GRM1: variants seen among roughly 807,000 people sequenced by gnomAD.
GRM1 encodes metabotropic glutamate receptor 1.
Under a neutral mutation model 90.9 loss-of-function variants are expected in GRM1, and 33 were observed. The ratio of observed to expected loss-of-function variants is 0.36; its 90% CI spans 0.28 to 0.49. The LOEUF is 0.49. Among genes scored for constraint, GRM1 ranks in the 20% least tolerant of loss-of-function variants. The pLI, the probability that GRM1 is intolerant of heterozygous loss-of-function variation, is 0.99. For missense variants in GRM1, 1,190 were observed against 1,534.3 expected (o/e 0.78, Z 3.75); for synonymous variants, 700 against 613.2 (o/e 1.14, Z -2.09).
chr6:146,144,001 T>C (rs1776995436), intron 1 of GRM1, among the ~76,000 whole-genome samples: 1 of 152,236 alleles, frequency 6.6e-6, no homozygotes, highest in Non-Finnish European at 1.5e-5. Flanking sequence ...CATATTGTAT[T>C]AGCCTACTTG....
rs1784519761 is a variant in GRM1, at chr6:146,329,710, C to T, written c.1187-22540C>T. On this transcript the variant is annotated intron_variant, in intron 3 of 7. Transcript: ENST00000282753. ...CTATAAATCAAAAATGTGTTGAATA[C>T]ACCTAACCTGCCAAACATCATAGCT... Among the ~76,000 whole-genome samples the T allele has an allele frequency of 2.6e-5, 4 of 152,138 alleles. No individual in the cohort carries two copies. The South Asian group carries it at 8.3e-4, about 32-fold the overall frequency.
intron 1 of GRM1, among the ~76,000 whole-genome samples, chr6:146,060,786 G>C (rs1775639731): frequency 6.6e-6 from 1 of 152,100 alleles, no homozygotes; most frequent in Non-Finnish European, 1.5e-5. Context: ...CAGCTGGGTT[G>C]AATGGTAGCT....
At position 146,172,604 on chromosome 6, in the gene GRM1, G is replaced by A. The variant is rs144184426; in HGVS notation, c.950+13007G>A. On this transcript the variant is annotated intron_variant, in intron 2 of 7. Transcript: ENST00000282753. The stretch of plus-strand genomic sequence containing the variant: ...GAGCCTTAAGAGATTGGTAGATTGA[G>A]GGAAGAACTTGATAAAAAGTAAGAA... 2.8e-3 allele frequency among the ~76,000 whole-genome samples: 424 copies of A among 152,170 alleles called. 3 individuals carry two copies. The highest frequency in any genetic ancestry group is 9.4e-3 in the African/African-American group (391 of 41,510).
chr6:146,305,864 C>T (rs944183986), intron 3 of GRM1, among the ~76,000 whole-genome samples: 2 of 152,172 alleles, frequency 1.3e-5, no homozygotes, highest in Non-Finnish European at 2.9e-5. Flanking sequence ...AGAGGCTTGC[C>T]ATCTCTTTGG....
chr6:146,240,282 C>A (rs2086987479), intron 2 of GRM1, among the ~76,000 whole-genome samples: 2 of 151,938 alleles, frequency 1.3e-5, no homozygotes, highest in South Asian at 2.1e-4. Flanking sequence ...AGGATCCCTG[C>A]AGAATACTCA....
chr6:146,262,904 AC>A (rs1781753674), intron 2 of GRM1, among the ~76,000 whole-genome samples: 1 of 151,958 alleles, frequency 6.6e-6, no homozygotes, highest in Admixed American at 6.6e-5. Context: ...TAAATAAACG[AC>A]CTAATGCAAT....
intron 6 of GRM1, among the ~76,000 whole-genome samples, chr6:146,387,880 T>C (rs556580392): frequency 1.3e-5 from 2 of 152,252 alleles, no homozygotes; most frequent in East Asian, 3.9e-4. Flanking sequence ...ATTTCTGGTA[T>C]GCTTCTTGTA....
At chr6:146,358,899 C>T (rs1775343291) in intron 5 of GRM1, among the ~76,000 whole-genome samples, 1 of 152,132 alleles carries the variant, frequency 6.6e-6, no homozygotes, top group Non-Finnish European at 1.5e-5. Context: ...GCCTTCTCTG[C>T]AGAAGTTATA....
chr6:146,264,631 C>G (rs1038689890), intron 2 of GRM1, among the ~76,000 whole-genome samples: 1 of 151,888 alleles, frequency 6.6e-6, no homozygotes, highest in Non-Finnish European at 1.5e-5. Flanking sequence ...CAGTACCCAT[C>G]ATCCAAATAG....
At chr6:146,404,035 T>C (rs577119010) in intron 7 of GRM1, among the ~76,000 whole-genome samples, 1 of 152,236 alleles carries the variant, frequency 6.6e-6, no homozygotes, top group East Asian at 1.9e-4. Context: ...GTAGAACTTA[T>C]TTGAAAGAAC....
At chr6:146,236,370 T>G (rs959004543) in intron 2 of GRM1, among the ~76,000 whole-genome samples, 1 of 152,252 alleles carries the variant, frequency 6.6e-6, no homozygotes, top group East Asian at 1.9e-4. Flanking sequence ...TTCTCAATGG[T>G]TTTTCCACCA....
chr6:146,399,001 C>A lies in GRM1; in HGVS notation c.1962C>A (p.Thr654=), dbSNP rs1205697709. ...TCACTCTCATTGCCAAACCTACTACCACCTCCTGCTACCTCCAGCGCCTCT... is the reference window on the plus strand; with the variant it reads ...TCACTCTCATTGCCAAACCTACTACAACCTCCTGCTACCTCCAGCGCCTCT... ...CPFTLIAKPT[T]TSCYLQRLLV... Residue 654 remains threonine (T), a synonymous_variant, in exon 7 of 8, where the codon ACC becomes ACA. Transcript: ENST00000282753. This position sits in a 1 kb window ranked among gnomAD's most constrained non-coding sequence, Gnocchi z 5.4. The A allele has an allele frequency of 7.4e-6, 12 of 1,613,928 alleles. No individual in the cohort carries two copies. The highest frequency in any genetic ancestry group is 5.0e-5 in the Admixed American group (3 of 59,986).
At chr6:146,321,934 T>C (rs573381381) in intron 3 of GRM1, among the ~76,000 whole-genome samples, 9 of 152,308 alleles carry the variant, frequency 5.9e-5, no homozygotes, top group African/African-American at 2.2e-4. Context: ...CCAGTCTGTG[T>C]CTTTTAATTG....
At chr6:146,185,255 C>A (rs572835718) in intron 2 of GRM1, among the ~76,000 whole-genome samples, 2 of 152,164 alleles carry the variant, frequency 1.3e-5, no homozygotes, top group African/African-American at 4.8e-5. Flanking sequence ...ATACGCTGAC[C>A]AAAGTAGAAT....
intron 2 of GRM1, chr6:146,159,802 A>G: frequency 3.6e-6 from 2 of 561,748 alleles, no homozygotes; most frequent in Non-Finnish European, 6.4e-6. Flanking sequence ...GCTAAACAAC[A>G]GCAGAACAAG....
intron 1 of GRM1, among the ~76,000 whole-genome samples, chr6:146,051,382 A>T: frequency 6.6e-6 from 1 of 152,074 alleles, no homozygotes; most frequent in Non-Finnish European, 1.5e-5. Context: ...TAAATATGAT[A>T]CAGTGCTCAT....
At chr6:146,323,668 T>C (rs1036589131) in intron 3 of GRM1, among the ~76,000 whole-genome samples, 1 of 152,226 alleles carries the variant, frequency 6.6e-6, no homozygotes, top group African/African-American at 2.4e-5. Flanking sequence ...TCCTTGCCCA[T>C]GCCCATGTCC....
intron 3 of GRM1, among the ~76,000 whole-genome samples, chr6:146,342,563 G>A (rs1454146759): frequency 6.6e-6 from 1 of 152,132 alleles, no homozygotes; most frequent in African/African-American, 2.4e-5. Flanking sequence ...ATCCAGCTGT[G>A]TGATCTTGGA....
At chr6:146,427,922 T>C (rs1319760069) in intron 7 of GRM1, among the ~76,000 whole-genome samples, 1 of 152,228 alleles carries the variant, frequency 6.6e-6, no homozygotes, top group Non-Finnish European at 1.5e-5. Flanking sequence ...TGGGTAGATG[T>C]GCTTGTCTTG....
Sources: allele counts gnomAD v4.1 joint callset (sites outside exome capture counted in the v4.1 genomes callset), GRCh38; gene constraint gnomAD v4.1.1; non-coding constraint Gnocchi (gnomAD v3.1); transcripts MANE v1.5; gene names NCBI Gene and HGNC (gene_info 2026-07-23, HGNC 2026-07-21).